TCF12: variants seen among roughly 807,000 people sequenced by gnomAD.
TCF12 encodes transcription factor 12, also known as DNA-binding protein HTF4.
A neutral mutation model predicts 86.0 loss-of-function variants in TCF12; 45 were observed. That is an observed-to-expected ratio of 0.52 (90% confidence interval 0.41 to 0.67). The LOEUF is 0.67. TCF12 is among the 30% of genes least tolerant of loss of function. The probability of loss-of-function intolerance (pLI) is 0.00; values close to 1 mark genes in which losing one functional copy is unlikely to be tolerated. For synonymous variants in TCF12, 330 were observed against 299.6 expected, an observed-to-expected ratio of 1.10 and a Z score of -1.05; for missense variants, 881 against 859.9, an observed-to-expected ratio of 1.02 and a Z score of -0.31.
chr15:56,932,230 C>T (rs541604829), intron 3 of TCF12, among the ~76,000 whole-genome samples: 2 of 152,280 alleles, frequency 1.3e-5, no homozygotes, highest in African/African-American at 2.4e-5. Flanking sequence ...AATATTTACT[C>T]ATATGCTATT....
chr15:57,262,232 A>G (rs1338401372), intron 17 of TCF12, 24 bp downstream of exon 17: 1 of 1,481,290 alleles, frequency 6.8e-7, no homozygotes, highest in Non-Finnish European at 9.4e-7. Context: ...TGGTTTTCAG[A>G]AATAATGCAG....
At chr15:57,275,365 C>CGT (rs1555417715) in intron 19 of TCF12, among the ~76,000 whole-genome samples, 11 of 82,404 alleles carry the variant, frequency 1.3e-4, no homozygotes, top group Admixed American at 2.4e-4. Flanking sequence ...TGTGTGTGTA[C>CGT]GTATGTAGAG....
chr15:57,261,983 A>G (rs1169504465), intron 16 of TCF12, 111 bp from the exon 17 acceptor site: 3 of 627,648 alleles, frequency 4.8e-6, no homozygotes, highest in African/African-American at 3.8e-5. Flanking sequence ...AGTTGCTGAA[A>G]TCAGATGAGT....
intron 8 of TCF12, among the ~76,000 whole-genome samples, chr15:57,220,153 A>G (rs1472279398): frequency 2.0e-5 from 3 of 152,150 alleles, no homozygotes; most frequent in Admixed American, 6.5e-5. Context: ...CTGAGTTGTT[A>G]TTAGCCTGAT....
chr15:57,084,012 C>A (rs1230334108), intron 4 of TCF12, among the ~76,000 whole-genome samples: 1 of 152,120 alleles, frequency 6.6e-6, no homozygotes, highest in East Asian at 1.9e-4. Context: ...ATGTTATCCT[C>A]TGAATGTAAG....
At chr15:57,064,124 G>A (rs2141730324) in intron 4 of TCF12, among the ~76,000 whole-genome samples, 1 of 152,178 alleles carries the variant, frequency 6.6e-6, no homozygotes, top group African/African-American at 2.4e-5. Context: ...TTTTCTTTAT[G>A]TGTTGTTTAT....
At chr15:57,098,453 T>C (rs2049496563) in intron 5 of TCF12, among the ~76,000 whole-genome samples, 1 of 152,214 alleles carries the variant, frequency 6.6e-6, no homozygotes, top group South Asian at 2.1e-4. Context: ...TCCTCCATTT[T>C]TTTCTGCCCT....
chr15:57,245,331 A>G (rs1479601671), intron 13 of TCF12, among the ~76,000 whole-genome samples: 2 of 152,226 alleles, frequency 1.3e-5, no homozygotes, highest in Admixed American at 6.5e-5. Context: ...GCTGTTCCCC[A>G]CATAGACAAG....
At chr15:57,131,918 T>C (rs1415056590) in intron 5 of TCF12, among the ~76,000 whole-genome samples, 1 of 152,184 alleles carries the variant, frequency 6.6e-6, no homozygotes, top group East Asian at 1.9e-4. Context: ...AGAAGTTAGG[T>C]ATGCATTTTA....
At chr15:57,025,383 G>A (rs527669003) in intron 3 of TCF12, among the ~76,000 whole-genome samples, 1 of 152,054 alleles carries the variant, frequency 6.6e-6, no homozygotes, top group South Asian at 2.1e-4. Flanking sequence ...CCCAGCCTGT[G>A]CCCTTTTCAC....
rs952020406 is a variant in TCF12 at position 57,289,143 on chromosome 15, G to C, written c.*2998G>C. On this transcript the variant is annotated 3_prime_UTR_variant, in exon 21 of 21. Coordinates refer to ENST00000333725, the MANE Select transcript of TCF12 (RefSeq NM_207037.2). ...CCATGGCAATTGTCACATCCTCTTGGTATGCTGGCAGATTGCTTCTCTTGG... is the reference window on the plus strand; with the variant it reads ...CCATGGCAATTGTCACATCCTCTTGCTATGCTGGCAGATTGCTTCTCTTGG... 3 of 152,174 alleles carry C rather than the reference G, an allele frequency of 2.0e-5. No homozygotes were observed. Among genetic ancestry groups the C allele is most frequent in the Middle Eastern group, 3.2e-3 (1 of 316 alleles). The allele number at this position is 152,174 out of a possible 1,614,324, so 9.4% of individuals were successfully genotyped here. A position where few individuals can be genotyped will look rare whatever the true frequency, so the allele number is the denominator to read the frequency against.
At chr15:57,104,241 ATACT>A (rs543146283) in intron 5 of TCF12, among the ~76,000 whole-genome samples, 4 of 152,210 alleles carry the variant, frequency 2.6e-5, no homozygotes, top group African/African-American at 9.6e-5. Flanking sequence ...ACAGAAAAAA[ATACT>A]TAAATAAGAC....
intron 5 of TCF12, among the ~76,000 whole-genome samples, chr15:57,142,378 A>G (rs1164764172): frequency 1.3e-5 from 2 of 151,790 alleles, no homozygotes; most frequent in Non-Finnish European, 2.9e-5. Context: ...ATATATGTCT[A>G]TACAGATTCC....
chr15:57,021,721 T>C (rs1007807205), intron 3 of TCF12, among the ~76,000 whole-genome samples: 4 of 150,100 alleles, frequency 2.7e-5, no homozygotes, highest in Non-Finnish European at 1.5e-5. Context: ...GGGTTTGAAC[T>C]GTATGGGTCC....
chr15:57,071,844 A>C (rs2069416829), intron 4 of TCF12, among the ~76,000 whole-genome samples: 1 of 152,172 alleles, frequency 6.6e-6, no homozygotes, highest in Non-Finnish European at 1.5e-5. Flanking sequence ...ATAGCATTTG[A>C]ATAGGGCTGG....
At chr15:57,098,414 A>G (rs2049492883) in intron 5 of TCF12, among the ~76,000 whole-genome samples, 1 of 152,072 alleles carries the variant, frequency 6.6e-6, no homozygotes, top group Non-Finnish European at 1.5e-5. Context: ...GTTGTTGAGT[A>G]CCTTCCTCCA....
At chr15:57,290,341 CAAAA>C (rs149851542), downstream of TCF12, among the ~76,000 whole-genome samples, 13 of 103,068 alleles carry the variant, frequency 1.3e-4, no homozygotes, top group Non-Finnish European at 1.2e-4. Context: ...AAAACTGTCT[CAAAA>C]AAAAAAAAAA....
intron 3 of TCF12, among the ~76,000 whole-genome samples, chr15:56,971,805 T>C (rs2062344239): frequency 6.6e-6 from 1 of 152,214 alleles, no homozygotes; most frequent in Admixed American, 6.5e-5. Context: ...TCAGTTACCC[T>C]TGGTTAACCA....
At chr15:57,144,826 T>A (rs1306565862) in intron 5 of TCF12, among the ~76,000 whole-genome samples, 1 of 152,108 alleles carries the variant, frequency 6.6e-6, no homozygotes, top group Non-Finnish European at 1.5e-5. Context: ...GGTCTTAAAC[T>A]CCTGAGCACT....
Sources: gnomAD v4.1 joint callset for allele counts (sites outside exome capture counted in the v4.1 genomes callset) on GRCh38, gnomAD v4.1.1 for gene constraint, MANE v1.5 for transcripts, NCBI Gene and HGNC (gene_info 2026-07-23, HGNC 2026-07-21) for gene names.